The following LINGO2 variants were observed in gnomAD, a reference collection of about 807,000 sequenced individuals.
LINGO2 encodes leucine rich repeat and Ig domain containing 2.
LINGO2 carries 14 observed loss-of-function variants against 30.6 expected under a neutral mutation model. That is an observed-to-expected ratio of 0.46 (90% CI 0.30 to 0.72). The LOEUF is 0.72. LINGO2 is among the 30% of genes least tolerant of loss of function. The pLI, the probability that LINGO2 is intolerant of heterozygous loss-of-function variation, is 0.07. For synonymous variants in LINGO2, 317 were observed against 288.5 expected (o/e 1.10, Z -1.00); for missense variants, 729 against 751.7 (o/e 0.97, Z 0.35).
chr9:29,006,957 G>A, the LINGO2 span, among the ~76,000 whole-genome samples: 1 of 152,058 alleles, frequency 6.6e-6, no homozygotes, highest in Non-Finnish European at 1.5e-5. Flanking sequence ...GATTAATGCT[G>A]AACTCTACTG....
chr9:28,264,313 G>A (rs1822669629), intron 4 of LINGO2, among the ~76,000 whole-genome samples: 1 of 151,576 alleles, frequency 6.6e-6, no homozygotes, highest in South Asian at 2.1e-4. Flanking sequence ...GAAAAAAGGG[G>A]GTACAATTGA....
At chr9:28,224,118 G>A (rs1320360413) in intron 4 of LINGO2, among the ~76,000 whole-genome samples, 1 of 152,128 alleles carries the variant, frequency 6.6e-6, no homozygotes, top group Non-Finnish European at 1.5e-5. Flanking sequence ...AGGCTGGAGT[G>A]CAGTGGTGCC....
intron 4 of LINGO2, among the ~76,000 whole-genome samples, chr9:28,136,066 G>T (rs189660447): frequency 2.6e-5 from 4 of 152,190 alleles, no homozygotes; most frequent in Admixed American, 6.5e-5. Context: ...TAATGTCCTG[G>T]TTATATCTAG....
chr9:28,599,642 A>G (rs1337801255), intron 1 of LINGO2, among the ~76,000 whole-genome samples: 5 of 152,134 alleles, frequency 3.3e-5, no homozygotes, highest in African/African-American at 7.2e-5. Context: ...TTCTCTGTAA[A>G]GAGACTTTAA....
the LINGO2 span, among the ~76,000 whole-genome samples, chr9:29,171,052 T>C: frequency 6.6e-6 from 1 of 152,140 alleles, no homozygotes; most frequent in African/African-American, 2.4e-5. Flanking sequence ...ACTTCTTCTA[T>C]CCTGTGTGGT....
the LINGO2 span, among the ~76,000 whole-genome samples, chr9:28,786,507 A>G: frequency 6.6e-6 from 1 of 152,202 alleles, no homozygotes; most frequent in Admixed American, 6.5e-5. Context: ...ATATAAAGAA[A>G]CTGAAAATTA....
chr9:28,915,690 G>C, the LINGO2 span, among the ~76,000 whole-genome samples: 1 of 152,152 alleles, frequency 6.6e-6, no homozygotes, highest in African/African-American at 2.4e-5. Context: ...TACTTTATCA[G>C]TGAATCACAT....
the LINGO2 span, among the ~76,000 whole-genome samples, chr9:29,143,945 A>G: frequency 2.0e-5 from 3 of 152,286 alleles, no homozygotes; most frequent in Admixed American, 2.0e-4. Flanking sequence ...TGATTATTGT[A>G]TATGGTATAA....
intron 4 of LINGO2, among the ~76,000 whole-genome samples, chr9:28,050,005 G>A (rs979851813): frequency 6.6e-6 from 1 of 150,732 alleles, no homozygotes; most frequent in Non-Finnish European, 1.5e-5. Flanking sequence ...TAGTTCTGGA[G>A]ACAGTGAAGG....
the LINGO2 span, among the ~76,000 whole-genome samples, chr9:28,898,816 G>C: frequency 6.6e-6 from 1 of 152,072 alleles, no homozygotes; most frequent in Non-Finnish European, 1.5e-5. Context: ...AATAACTATA[G>C]GGTGCTAGGC....
chr9:28,771,740 C>T, the LINGO2 span, among the ~76,000 whole-genome samples: 1 of 152,056 alleles, frequency 6.6e-6, no homozygotes, highest in Non-Finnish European at 1.5e-5. Context: ...ACAGAGCAGA[C>T]ATTTAGGAAA....
At chr9:28,614,877 T>C (rs191661696) in intron 1 of LINGO2, among the ~76,000 whole-genome samples, 3 of 152,220 alleles carry the variant, frequency 2.0e-5, no homozygotes, top group Non-Finnish European at 2.9e-5. Context: ...GCTGAAAGAA[T>C]AGTATACACA....
chr9:28,047,315 G>C (rs1824469428), intron 4 of LINGO2, among the ~76,000 whole-genome samples: 1 of 152,070 alleles, frequency 6.6e-6, no homozygotes, highest in East Asian at 1.9e-4. Context: ...TTCTGGCAGG[G>C]AGTTCTCCCA....
At chr9:29,107,895 A>G in the LINGO2 span, among the ~76,000 whole-genome samples, 1 of 145,776 alleles carries the variant, frequency 6.9e-6, no homozygotes, top group African/African-American at 2.6e-5. Context: ...TCTTCTAGCC[A>G]CCTGAAAATT....
intron 1 of LINGO2, among the ~76,000 whole-genome samples, chr9:28,505,500 C>T (rs1255884214): frequency 4.0e-5 from 6 of 151,630 alleles, no homozygotes; most frequent in East Asian, 1.9e-4. Context: ...AATTTGTGAC[C>T]GATGATACAT....
At chr9:29,047,649 G>T in the LINGO2 span, among the ~76,000 whole-genome samples, 1 of 152,090 alleles carries the variant, frequency 6.6e-6, no homozygotes, top group Non-Finnish European at 1.5e-5. Flanking sequence ...TGATATAAAG[G>T]GCTTCCAAAT....
rs564428298 is a variant in LINGO2, at chr9:28,431,337, T to G, written c.-279+44603A>C. On this transcript the variant is annotated intron_variant, in intron 2 of 5. Transcript: ENST00000379992. ...CCAAACCAAACTCAATTTCTCTGTTTTCCTGTCATCTGCCTAGTGTCTGGC... is the reference window on the plus strand; with the variant it reads ...CCAAACCAAACTCAATTTCTCTGTTGTCCTGTCATCTGCCTAGTGTCTGGC... Among the ~76,000 whole-genome samples the G allele has an allele frequency of 2.6e-5, 4 of 152,260 alleles. No homozygotes were observed. The East Asian group carries it at 5.8e-4, about 22-fold the overall frequency.
chr9:28,907,906 T>C, the LINGO2 span, among the ~76,000 whole-genome samples: 2 of 151,284 alleles, frequency 1.3e-5, no homozygotes, highest in Non-Finnish European at 3.0e-5. Context: ...TGAAGTTCAG[T>C]AATTTAGGGA....
At chr9:28,032,887 A>G (rs1823751330) in intron 4 of LINGO2, among the ~76,000 whole-genome samples, 1 of 152,224 alleles carries the variant, frequency 6.6e-6, no homozygotes, top group Admixed American at 6.5e-5. Flanking sequence ...AAAGTTTTCC[A>G]TCAGGCGGCT....
Sources: allele counts gnomAD v4.1 joint callset (sites outside exome capture counted in the v4.1 genomes callset), GRCh38; gene constraint gnomAD v4.1.1; transcripts MANE v1.5; gene names NCBI Gene and HGNC (gene_info 2026-07-23, HGNC 2026-07-21).